MESP1: variants seen among roughly 807,000 people sequenced by gnomAD.
The protein encoded by MESP1 is mesoderm posterior protein 1.
In MESP1, 22 loss-of-function variants were observed where a neutral mutation model predicts 15.2. The observed-to-expected ratio is 1.45, with a 90% CI of 1.04 to 2.07. The LOEUF (loss-of-function observed/expected upper bound fraction) is 2.07, where lower values mean the gene tolerates loss of function less well. MESP1 is among the 30% of genes most tolerant of loss of function. The pLI is 0.00. For missense variants in MESP1, 484 were observed against 411.9 expected (o/e 1.17, Z -1.51); for synonymous variants, 216 against 192.6 (o/e 1.12, Z -1.01).
At chr15:89,738,262 C>G in the MESP1 span, 1 of 1,554,216 alleles carries the variant, frequency 6.4e-7, no homozygotes, top group Non-Finnish European at 8.7e-7. Context: ...TCTTCACCCC[C>G]TCCCACATCT....
chr15:89,737,722 G>T, the MESP1 span: 1 of 1,614,172 alleles, frequency 6.2e-7, no homozygotes, highest in Non-Finnish European at 8.5e-7. Context: ...CATGTTTCCT[G>T]CTCCGAGGTA....
chr15:89,735,470 G>C, the MESP1 span: 1 of 1,613,062 alleles, frequency 6.2e-7, no homozygotes, highest in Non-Finnish European at 8.5e-7. Flanking sequence ...GAGAATGTCT[G>C]TATATTTTCT....
At chr15:89,735,377 C>A in the MESP1 span, 1 of 1,093,202 alleles carries the variant, frequency 9.1e-7, no homozygotes, top group Non-Finnish European at 1.4e-6. Context: ...GAACAGCCTC[C>A]TCACATATTT....
the MESP1 span, chr15:89,737,832 C>T: frequency 6.6e-7 from 1 of 1,517,230 alleles, no homozygotes. Flanking sequence ...TCTGTGTCCC[C>T]CTCTACCATA....
At chr15:89,748,003 C>T (rs922696744), downstream of MESP1, among the ~76,000 whole-genome samples, 1 of 152,166 alleles carries the variant, frequency 6.6e-6, no homozygotes, top group Non-Finnish European at 1.5e-5. Flanking sequence ...GTCTGGGCAG[C>T]TATTAGCAGA....
At chr15:89,735,484 C>T in the MESP1 span, 2 of 1,614,040 alleles carry the variant, frequency 1.2e-6, no homozygotes, top group East Asian at 2.2e-5. Context: ...ATTTTCTGTC[C>T]TATAGGCCTG....
the MESP1 span, among the ~76,000 whole-genome samples, chr15:89,737,088 G>A: frequency 6.6e-6 from 1 of 152,220 alleles, no homozygotes; most frequent in South Asian, 2.1e-4. Context: ...ATCGCGCCCG[G>A]CCAAAGGGGA....
the MESP1 span, among the ~76,000 whole-genome samples, chr15:89,741,753 C>G: frequency 1.3e-5 from 2 of 151,706 alleles, no homozygotes; most frequent in Admixed American, 1.3e-4. Context: ...AAACCTATCT[C>G]CAATACTTTT....
the MESP1 span, among the ~76,000 whole-genome samples, chr15:89,736,050 T>C: frequency 2.6e-5 from 4 of 152,102 alleles, no homozygotes; most frequent in Admixed American, 2.6e-4. Flanking sequence ...GGCCAGACCA[T>C]GGAAGGTCCT....
chr15:89,750,087 A>G lies in MESP1; in HGVS notation c.*57T>C. 1 of 1,513,814 alleles carries G rather than the reference A, an allele frequency of 6.6e-7. No homozygotes were observed. The highest frequency in any genetic ancestry group is 9.2e-7 in the Non-Finnish European group (1 of 1,088,982). 93.8% of individuals were successfully genotyped at this position (1,513,814 alleles called of 1,614,324 possible). On this transcript the variant is annotated 3_prime_UTR_variant, in exon 2 of 2. Transcript: ENST00000300057. ...GGCAGTCTGCCAAGGAACCACTTCGAAGGTGCTGAGGCCAAAAAGCCTCGG... is the reference window on the plus strand; with the variant it reads ...GGCAGTCTGCCAAGGAACCACTTCGGAGGTGCTGAGGCCAAAAAGCCTCGG...
At chr15:89,733,295 C>T in the MESP1 span, 1 of 1,401,130 alleles carries the variant, frequency 7.1e-7, no homozygotes, top group Non-Finnish European at 9.8e-7. Context: ...TAAAATCTGA[C>T]AGCCTCTCTG....
chr15:89,735,060 T>C, the MESP1 span, among the ~76,000 whole-genome samples: 2 of 148,044 alleles, frequency 1.4e-5, no homozygotes, highest in Admixed American at 1.4e-4. Context: ...TTGTTTGGTT[T>C]TGTTTGAGAC....
the MESP1 span, chr15:89,738,347 C>A: frequency 1.5e-6 from 2 of 1,343,226 alleles, no homozygotes; most frequent in Non-Finnish European, 2.0e-6. Context: ...TTTCCCCTGG[C>A]TGGGCGTGGT....
downstream of MESP1, chr15:89,748,972 G>C (rs990966005): frequency 2.0e-5 from 3 of 152,198 alleles, no homozygotes; most frequent in Non-Finnish European, 4.4e-5. Context: ...GAGGAGGGGA[G>C]AACTGGGTAT....
intron 1 of MESP1, 92 bp downstream of exon 1, chr15:89,750,417 G>A: frequency 3.4e-6 from 5 of 1,455,978 alleles, no homozygotes; most frequent in Non-Finnish European, 4.5e-6. Context: ...CTGCCGGCGG[G>A]GAGCAGCAGG....
chr15:89,736,314 G>A, the MESP1 span, among the ~76,000 whole-genome samples: 2 of 152,180 alleles, frequency 1.3e-5, no homozygotes, highest in Non-Finnish European at 2.9e-5. Flanking sequence ...GAAAGTCTGT[G>A]ATTCCTGGTG....
rs765191159 is a variant in MESP1 at position 89,750,842 on chromosome 15, G to A, written c.390C>T (p.Ile130=). The part of the protein sequence containing the change: ...LTKIETLRLA[I]RYIGHLSAVL... ...CGGCCGACAGGTGGCCGATATAGCGGATAGCCAGGCGCAGCGTCTCGATCT... is the reference window on the plus strand; with the variant it reads ...CGGCCGACAGGTGGCCGATATAGCGAATAGCCAGGCGCAGCGTCTCGATCT... Residue 130 remains isoleucine, a synonymous_variant, in exon 1 of 2, where the codon ATC becomes ATT. Coordinates refer to ENST00000300057, the MANE Select transcript of MESP1 (RefSeq NM_018670.4). 1.3e-6 allele frequency: 2 copies of A among 1,532,892 alleles called. No individual in the cohort carries two copies. The highest frequency in any genetic ancestry group is 2.9e-5 in the African/African-American group (2 of 70,174). The allele number at this position is 1,532,892 out of a possible 1,614,324, so 95.0% of individuals were successfully genotyped here.
At chr15:89,739,922 G>A in the MESP1 span, among the ~76,000 whole-genome samples, 1 of 152,156 alleles carries the variant, frequency 6.6e-6, no homozygotes, top group African/African-American at 2.4e-5. Context: ...GAAGTAGACT[G>A]GTTAAGATAT....
chr15:89,737,144 G>A, the MESP1 span, among the ~76,000 whole-genome samples: 1 of 152,154 alleles, frequency 6.6e-6, no homozygotes, highest in African/African-American at 2.4e-5. Flanking sequence ...GCAGAGGAAA[G>A]AGCCCAGGCA....
Sources: allele counts gnomAD v4.1 joint callset (sites outside exome capture counted in the v4.1 genomes callset), GRCh38; gene constraint gnomAD v4.1.1; transcripts MANE v1.5; gene names NCBI Gene and HGNC (gene_info 2026-07-23, HGNC 2026-07-21).